Variants in SPECC1L observed in about 807,000 individuals in gnomAD.
SPECC1L encodes the protein cytospin-A.
A neutral mutation model predicts 116.8 loss-of-function variants in SPECC1L; 40 were observed. The ratio of observed to expected loss-of-function variants is 0.34; its 90% CI spans 0.27 to 0.45. SPECC1L has a LOEUF of 0.45. SPECC1L is among the 20% of genes least tolerant of loss of function. The pLI is 1.00. For missense variants in SPECC1L, 1,110 were observed against 1,373.6 expected (o/e 0.81, Z 3.03); for synonymous variants, 504 against 500.6 (o/e 1.01, Z -0.09).
At chr22:24,410,253 T>C (rs1310927498) in intron 14 of SPECC1L, among the ~76,000 whole-genome samples, 1 of 152,212 alleles carries the variant, frequency 6.6e-6, no homozygotes, top group Non-Finnish European at 1.5e-5. Flanking sequence ...GCTGCAGCCC[T>C]GAACTCCTGG....
intron 14 of SPECC1L, among the ~76,000 whole-genome samples, chr22:24,389,378 G>A (rs1406543865): frequency 1.3e-5 from 2 of 152,006 alleles, no homozygotes; most frequent in Non-Finnish European, 1.5e-5. Context: ...ACCCCCCAAA[G>A]TGCTGATTAC....
At position 24,409,603 on chromosome 22, in the gene SPECC1L, T is replaced by C. The variant is rs537430518; in HGVS notation, c.3088-1985T>C. On this transcript the variant is annotated intron_variant, in intron 14 of 16. Transcript: ENST00000314328. ...AGGAGTTCAAGGCTGCAGTGAGCTA[T>C]GATTGTGCCACTGCACTCCAGCCTG... 9.2e-5 allele frequency among the ~76,000 whole-genome samples: 14 copies of C among 152,218 alleles called. 1 individual carries two copies. The South Asian group carries it at 2.9e-3, about 32-fold the overall frequency.
intron 10 of SPECC1L, among the ~76,000 whole-genome samples, chr22:24,343,044 A>G (rs1353308810): frequency 2.0e-5 from 3 of 151,942 alleles, no homozygotes; most frequent in African/African-American, 7.3e-5. Context: ...AATACAAAAA[A>G]TTAGACAGGC....
intron 11 of SPECC1L, among the ~76,000 whole-genome samples, chr22:24,360,465 C>T (rs999804367): frequency 1.3e-5 from 2 of 152,204 alleles, no homozygotes; most frequent in East Asian, 1.9e-4. Context: ...GACAGTCTGT[C>T]AGATTGAGGC....
intron 14 of SPECC1L, among the ~76,000 whole-genome samples, chr22:24,397,274 C>T (rs542416958): frequency 7.9e-5 from 12 of 152,232 alleles, no homozygotes; most frequent in South Asian, 4.1e-4. Context: ...ATAAGTTCAT[C>T]GTAAGGTGAG....
chr22:24,302,052 A>AG (rs1469896490), intron 2 of SPECC1L, 143 bp from the exon 3 acceptor site: 1 of 661,308 alleles, frequency 1.5e-6, no homozygotes, highest in Non-Finnish European at 2.6e-6. Flanking sequence ...TCTCAAAAAA[A>AG]AAAAAAAATT....
chr22:24,343,254 A>T (rs1341946897), intron 10 of SPECC1L, among the ~76,000 whole-genome samples: 1 of 152,194 alleles, frequency 6.6e-6, no homozygotes, highest in Non-Finnish European at 1.5e-5. Flanking sequence ...GATGGAAATT[A>T]TATACTCATA....
At chr22:24,278,798 T>C (rs1161484922) in intron 2 of SPECC1L, among the ~76,000 whole-genome samples, 2 of 152,236 alleles carry the variant, frequency 1.3e-5, no homozygotes, top group African/African-American at 4.8e-5. Context: ...TAGGTATTAC[T>C]ATTAGTCACT....
chr22:24,319,642 A>T (rs1290747691), intron 4 of SPECC1L, among the ~76,000 whole-genome samples: 1 of 152,228 alleles, frequency 6.6e-6, no homozygotes, highest in African/African-American at 2.4e-5. Context: ...AACATTCCCC[A>T]GCAGCTTCCG....
intron 3 of SPECC1L, among the ~76,000 whole-genome samples, chr22:24,308,967 G>A (rs1476318872): frequency 2.0e-5 from 3 of 152,188 alleles, no homozygotes; most frequent in Admixed American, 6.5e-5. Context: ...CTTTTGACAT[G>A]TTCCTATTAC....
rs552660273 is a variant in SPECC1L, at chr22:24,391,170, C to T, written c.3088-20418C>T. ...GATTACGGGTGTGAGCCACTGCGCC[C>T]GGCCGGGCCTGTGTTCTTTACTGCA... On this transcript the variant is annotated intron_variant, in intron 14 of 16. Transcript: ENST00000314328. Among the ~76,000 whole-genome samples the T allele has an allele frequency of 7.9e-5, 12 of 151,968 alleles. No homozygotes were observed. The South Asian group carries it at 1.9e-3, about 24-fold the overall frequency.
intron 14 of SPECC1L, among the ~76,000 whole-genome samples, chr22:24,380,606 C>G (rs1283475464): frequency 6.6e-6 from 1 of 152,122 alleles, no homozygotes; most frequent in Non-Finnish European, 1.5e-5. Flanking sequence ...CAAAACAAGC[C>G]CTTATGAGTT....
chr22:24,409,780 C>G (rs188632799), intron 14 of SPECC1L, among the ~76,000 whole-genome samples: 2 of 152,232 alleles, frequency 1.3e-5, no homozygotes, highest in Non-Finnish European at 2.9e-5. Flanking sequence ...TGTAATTTCA[C>G]TGCTTTGGAG....
chr22:24,282,966 C>T (rs574459727), intron 2 of SPECC1L, among the ~76,000 whole-genome samples: 53 of 151,740 alleles, frequency 3.5e-4, no homozygotes, highest in African/African-American at 1.7e-4. Flanking sequence ...TTAGTAGAGG[C>T]GGGGTTTCAC....
chr22:24,300,635 G>A (rs1237514906), intron 2 of SPECC1L, among the ~76,000 whole-genome samples: 1 of 152,176 alleles, frequency 6.6e-6, no homozygotes, highest in East Asian at 1.9e-4. Flanking sequence ...GCCAGCATCT[G>A]CTGTTTCTTG....
chr22:24,333,409 T>A (rs1405249634), intron 8 of SPECC1L, among the ~76,000 whole-genome samples: 2 of 152,198 alleles, frequency 1.3e-5, no homozygotes, highest in Non-Finnish European at 2.9e-5. Flanking sequence ...TCTGCAATTG[T>A]AATCTCATTC....
intron 10 of SPECC1L, among the ~76,000 whole-genome samples, chr22:24,346,087 A>G (rs1601588034): frequency 6.6e-6 from 1 of 151,146 alleles, no homozygotes; most frequent in Admixed American, 6.6e-5. Flanking sequence ...GCTCACTGCA[A>G]CCTCCGCCTC....
rs537760873 is a variant in SPECC1L at position 24,368,559 on chromosome 22, C to T, written c.2985-659C>T. 2.6e-5 allele frequency among the ~76,000 whole-genome samples: 4 copies of T among 152,318 alleles called. No homozygotes were observed. The East Asian group carries it at 7.7e-4, about 29-fold the overall frequency. ...GGCGAGAACTATTATGCCTTAGAAT[C>T]CTGCACCTTGCATAACCTTACCCTG... On this transcript the variant is annotated intron_variant, in intron 13 of 16. Coordinates refer to ENST00000314328, the MANE Select transcript of SPECC1L (RefSeq NM_015330.6).
At chr22:24,394,719 C>G (rs939971902) in intron 14 of SPECC1L, among the ~76,000 whole-genome samples, 4 of 152,192 alleles carry the variant, frequency 2.6e-5, no homozygotes, top group Non-Finnish European at 4.4e-5. Context: ...TCTAGACATT[C>G]GGAACGTGTA....
Sources: gnomAD v4.1 joint callset for allele counts (sites outside exome capture counted in the v4.1 genomes callset) on GRCh38, gnomAD v4.1.1 for gene constraint, MANE v1.5 for transcripts, NCBI Gene and HGNC (gene_info 2026-07-23, HGNC 2026-07-21) for gene names.